The following THSD7B variants were observed in gnomAD, a reference collection of about 807,000 sequenced individuals.
THSD7B encodes the protein thrombospondin type 1 domain containing 7B, also known as thrombospondin type-1 domain-containing protein 7B.
A neutral mutation model predicts 213.6 loss-of-function variants in THSD7B; 138 were observed. That is an observed-to-expected ratio of 0.65 (90% CI 0.56 to 0.74). THSD7B has a LOEUF of 0.74. Among genes scored for constraint, THSD7B ranks in the 30% least tolerant of loss-of-function variants. The probability of loss-of-function intolerance (pLI) is 0.00; values close to 1 mark genes in which losing one functional copy is unlikely to be tolerated. For missense variants in THSD7B, 1,931 were observed against 1,991.5 expected (o/e 0.97, Z 0.58); for synonymous variants, 742 against 687.0 (o/e 1.08, Z -1.25).
intron 15 of THSD7B, among the ~76,000 whole-genome samples, chr2:137,474,203 T>C (rs1326083381): frequency 6.6e-6 from 1 of 152,214 alleles, no homozygotes; most frequent in African/African-American, 2.4e-5. Context: ...TTCAAATTGC[T>C]CCTCAATTTT....
chr2:137,064,492 A>G (rs1463323303), intron 3 of THSD7B, among the ~76,000 whole-genome samples: 1 of 151,906 alleles, frequency 6.6e-6, no homozygotes, highest in Non-Finnish European at 1.5e-5. Flanking sequence ...CCTTTGCTGT[A>G]CAGAGGCTTT....
intron 17 of THSD7B, among the ~76,000 whole-genome samples, chr2:137,610,449 T>G (rs1009813916): frequency 2.6e-5 from 4 of 152,152 alleles, no homozygotes; most frequent in Admixed American, 1.3e-4. Context: ...TTTCTGCACC[T>G]GGACTGCTGG....
chr2:137,134,083 T>G (rs1688787931), intron 5 of THSD7B, among the ~76,000 whole-genome samples: 1 of 152,210 alleles, frequency 6.6e-6, no homozygotes, highest in South Asian at 2.1e-4. Context: ...AAATGCTTCA[T>G]CTAAGTCATC....
At chr2:137,381,961 C>G (rs569403689) in intron 12 of THSD7B, among the ~76,000 whole-genome samples, 1 of 152,284 alleles carries the variant, frequency 6.6e-6, no homozygotes, top group Non-Finnish European at 1.5e-5. Flanking sequence ...CCACTGGTCC[C>G]CCACCAACGT....
intron 17 of THSD7B, among the ~76,000 whole-genome samples, chr2:137,580,347 A>T (rs1681548433): frequency 6.6e-6 from 1 of 152,092 alleles, no homozygotes; most frequent in South Asian, 2.1e-4. Context: ...GTTAGTGCAA[A>T]TGTCTGAAGA....
At chr2:137,107,245 G>A (rs928640629) in intron 4 of THSD7B, among the ~76,000 whole-genome samples, 6 of 152,118 alleles carry the variant, frequency 3.9e-5, no homozygotes, top group Non-Finnish European at 5.9e-5. Flanking sequence ...CAGGGACTTG[G>A]ACAAAGCTAG....
intron 12 of THSD7B, among the ~76,000 whole-genome samples, chr2:137,304,737 T>C (rs1333712478): frequency 6.6e-6 from 1 of 152,092 alleles, no homozygotes; most frequent in Non-Finnish European, 1.5e-5. Context: ...CATGGCTCTC[T>C]TTAGGAATTT....
intron 1 of THSD7B, among the ~76,000 whole-genome samples, chr2:136,836,246 T>A (rs1682841096): frequency 6.6e-6 from 1 of 152,162 alleles, no homozygotes; most frequent in Admixed American, 6.6e-5. Flanking sequence ...CACATGAAAA[T>A]GTCACTAATG....
chr2:137,070,637 G>C (rs1199734773), intron 3 of THSD7B, among the ~76,000 whole-genome samples: 2 of 151,600 alleles, frequency 1.3e-5, no homozygotes, highest in Non-Finnish European at 2.9e-5. Flanking sequence ...ATGTATACAT[G>C]TGCCATGTTG....
intron 5 of THSD7B, among the ~76,000 whole-genome samples, chr2:137,129,863 T>C (rs1295025903): frequency 6.6e-6 from 1 of 152,238 alleles, no homozygotes; most frequent in Admixed American, 6.5e-5. Context: ...ACTTATGAAA[T>C]AGTCCTAATT....
At chr2:137,142,156 A>G (rs938152895) in intron 5 of THSD7B, among the ~76,000 whole-genome samples, 1 of 152,174 alleles carries the variant, frequency 6.6e-6, no homozygotes, top group Non-Finnish European at 1.5e-5. Flanking sequence ...TGTGTCATTT[A>G]TAATAGACAG....
chr2:136,911,419 A>T (rs1050639838), intron 2 of THSD7B, among the ~76,000 whole-genome samples: 8 of 152,204 alleles, frequency 5.3e-5, no homozygotes, highest in Admixed American at 2.6e-4. Flanking sequence ...TTTTATTGAT[A>T]AACTCTCCCT....
chr2:137,618,517 T>TTATA lies in THSD7B; in HGVS notation c.3681+12_3681+15dup, dbSNP rs1294055161. 18 of 1,611,316 alleles carry TTATA rather than the reference T, an allele frequency of 1.1e-5. No homozygotes were observed. Among genetic ancestry groups the TTATA allele is most frequent in the Non-Finnish European group, 1.5e-5 (18 of 1,178,130 alleles). On this transcript the variant is annotated intron_variant, in intron 19 of 27. Transcript: ENST00000409968. ...GGACCAATGTGAGCAGGTACTGTGT[T>TTATA]TATATTCATATCTCACATCCAAGGC...
rs142902836 is a variant in THSD7B at position 137,272,782 on chromosome 2, T to A, written c.2396+120T>A. 1.1e-5 allele frequency: 12 copies of A among 1,064,632 alleles called. 1 individual carries two copies. The highest frequency in any genetic ancestry group is 9.8e-5 in the African/African-American group (6 of 61,474). The allele number at this position is 1,064,632 out of a possible 1,614,324, so 65.9% of individuals were successfully genotyped here. On this transcript the variant is annotated intron_variant, in intron 11 of 27. Coordinates refer to ENST00000409968, the MANE Select transcript of THSD7B (RefSeq NM_001316349.2). ...TAAGAGGGGATCTGACATTTACATA[T>A]CTTCAAATACTTTAATATTCTTACC...
chr2:136,867,141 T>C (rs1201710147), intron 1 of THSD7B, among the ~76,000 whole-genome samples: 3 of 152,220 alleles, frequency 2.0e-5, no homozygotes, highest in Non-Finnish European at 4.4e-5. Context: ...GTTTGGATGC[T>C]GCAGAGTCCA....
chr2:137,449,984 G>C (rs754423989), intron 14 of THSD7B, among the ~76,000 whole-genome samples: 1 of 152,230 alleles, frequency 6.6e-6, no homozygotes, highest in East Asian at 1.9e-4. Context: ...ACAGGAATCA[G>C]ATGATGTTGC....
At chr2:137,284,984 A>G (rs1683134038) in intron 12 of THSD7B, among the ~76,000 whole-genome samples, 1 of 152,016 alleles carries the variant, frequency 6.6e-6, no homozygotes, top group African/African-American at 2.4e-5. Context: ...TGATCTGTCT[A>G]ATGTTGACAG....
intron 15 of THSD7B, among the ~76,000 whole-genome samples, chr2:137,558,252 C>T (rs893086079): frequency 1.3e-5 from 2 of 152,038 alleles, no homozygotes; most frequent in African/African-American, 4.8e-5. Context: ...CTGGCAGAGA[C>T]ACAACAAAAA....
intron 12 of THSD7B, among the ~76,000 whole-genome samples, chr2:137,334,123 T>C (rs1684580394): frequency 6.6e-6 from 1 of 152,190 alleles, no homozygotes; most frequent in Admixed American, 6.5e-5. Flanking sequence ...AGATTTGACA[T>C]ACCGGCTAAT....
Sources: gnomAD v4.1 joint callset for allele counts (sites outside exome capture counted in the v4.1 genomes callset) on GRCh38, gnomAD v4.1.1 for gene constraint, MANE v1.5 for transcripts, NCBI Gene and HGNC (gene_info 2026-07-23, HGNC 2026-07-21) for gene names.